MED4: variants seen among roughly 807,000 people sequenced by gnomAD.
The protein encoded by MED4 is mediator of RNA polymerase II transcription subunit 4.
In MED4, 21 loss-of-function variants were observed where a neutral mutation model predicts 35.0. The ratio of observed to expected loss-of-function variants is 0.60; its 90% CI spans 0.43 to 0.86. The LOEUF (loss-of-function observed/expected upper bound fraction) is 0.86. Among genes scored for constraint, MED4 ranks in the 40% least tolerant of loss-of-function variants. The pLI is 0.00. For missense variants in MED4, 300 were observed against 319.4 expected, an observed-to-expected ratio of 0.94 and a Z score of 0.46; for synonymous variants, 138 against 114.0, an observed-to-expected ratio of 1.21 and a Z score of -1.34.
rs1264091210 is a variant in MED4, at chr13:48,076,597, T to G, written c.*542A>C. The G allele has an allele frequency of 6.6e-6, 1 of 152,152 alleles. No homozygotes were observed. The highest frequency in any genetic ancestry group is 2.4e-5 in the African/African-American group (1 of 41,436). The allele number at this position is 152,152 out of a possible 1,614,324, so 9.4% of individuals were successfully genotyped here. On this transcript the variant is annotated 3_prime_UTR_variant, in exon 7 of 7. Transcript: ENST00000258648. ...AAAGCATACAATGTACAAACAAATT[T>G]ATTTACAAAAATTACAATTACAAAC...
chr13:48,081,223 T>C (rs1339661419), intron 5 of MED4, among the ~76,000 whole-genome samples: 3 of 152,236 alleles, frequency 2.0e-5, no homozygotes, highest in Non-Finnish European at 4.4e-5. Context: ...GTATGTTCAC[T>C]GTTGGGTGCG....
In MED4 at chr13:48,076,842, T is replaced by C. The variant is rs116979755; in HGVS notation, c.*297A>G. Reference sequence around the variant, plus strand: ...CTCAACTCTATTTCTAGAATGGCTATGTACAAATCCAGCAAAACTGGAACA... The same window carrying C: ...CTCAACTCTATTTCTAGAATGGCTACGTACAAATCCAGCAAAACTGGAACA... On this transcript the variant is annotated 3_prime_UTR_variant, in exon 7 of 7. Transcript: ENST00000258648. 1,434 of 237,822 alleles carry C rather than the reference T, an allele frequency of 6.0e-3. 11 individuals are homozygous for C. Among genetic ancestry groups the C allele is most frequent in the Non-Finnish European group, 7.5e-3 (924 of 123,474 alleles). The allele number at this position is 237,822 out of a possible 1,614,324, so 14.7% of individuals were successfully genotyped here.
At chr13:48,082,186 TAA>T (rs201634766) in intron 4 of MED4, among the ~76,000 whole-genome samples, 1 of 127,188 alleles carries the variant, frequency 7.9e-6, no homozygotes, top group Admixed American at 8.6e-5. Flanking sequence ...ATTCATTAGG[TAA>T]AAAAAAAAAC....
At chr13:48,079,542 C>T (rs1950788298) in intron 6 of MED4, among the ~76,000 whole-genome samples, 1 of 151,918 alleles carries the variant, frequency 6.6e-6, no homozygotes, top group Non-Finnish European at 1.5e-5. Flanking sequence ...GAGTTCGAGA[C>T]CAGCCTGGCC....
intron 3 of MED4, 41 bp downstream of exon 3, chr13:48,086,241 A>T: frequency 6.4e-7 from 1 of 1,574,110 alleles, no homozygotes; most frequent in Non-Finnish European, 8.7e-7. Flanking sequence ...AGATTAAACA[A>T]CATCCTTTTT....
At chr13:48,083,585 ATTAT>A (rs1950826606) in intron 3 of MED4, among the ~76,000 whole-genome samples, 157 bp from the exon 4 acceptor site, 4 of 152,352 alleles carry the variant, frequency 2.6e-5, no homozygotes, top group Admixed American at 2.6e-4. Flanking sequence ...ACCACTTGAC[ATTAT>A]TTATTTCAGT....
At chr13:48,077,591 T>G (rs1329083425) in intron 6 of MED4, 1 of 197,182 alleles carries the variant, frequency 5.1e-6, no homozygotes, top group African/African-American at 2.3e-5. Context: ...TTAAAGTTTT[T>G]GTAGAGATGA....
intron 5 of MED4, 106 bp downstream of exon 5, chr13:48,081,539 G>A: frequency 1.6e-6 from 1 of 612,448 alleles, no homozygotes; most frequent in Non-Finnish European, 2.6e-6. Context: ...ATGTGGCAGA[G>A]GTTTCTAAGG....
At chr13:48,080,078 A>T in intron 5 of MED4, 103 bp from the exon 6 acceptor site, 1 of 1,330,542 alleles carries the variant, frequency 7.5e-7, no homozygotes, top group Admixed American at 2.3e-5. Context: ...TGAAAAGTTC[A>T]GGCTACATTT....
intron 1 of MED4, among the ~76,000 whole-genome samples, chr13:48,090,893 T>G (rs1950885709): frequency 6.6e-6 from 1 of 152,232 alleles, no homozygotes; most frequent in South Asian, 2.1e-4. Context: ...TTCTGCAGTT[T>G]TTGTAAATAA....
rs991428014 is a variant in MED4, at chr13:48,076,079, A to C, written c.*1060T>G. On this transcript the variant is annotated 3_prime_UTR_variant, in exon 7 of 7. Transcript: ENST00000258648. ...AAAAAGTGTATGTGAACTTTAAAAA[A>C]ATCTACACTACAATATGAATTGATA... 1 of 150,454 alleles carries C rather than the reference A, an allele frequency of 6.6e-6. No individual in the cohort carries two copies. The highest frequency in any genetic ancestry group is 1.5e-5 in the Non-Finnish European group (1 of 67,384). The allele number at this position is 150,454 out of a possible 1,614,324, so 9.3% of individuals were successfully genotyped here. A position where few individuals can be genotyped will look rare whatever the true frequency, so the allele number is the denominator to read the frequency against.
At chr13:48,082,082 C>A (rs1483900510) in intron 4 of MED4, among the ~76,000 whole-genome samples, 2 of 152,052 alleles carry the variant, frequency 1.3e-5, no homozygotes, top group East Asian at 1.9e-4. Flanking sequence ...GACATCCAAG[C>A]TATGAAATCA....
intron 1 of MED4, among the ~76,000 whole-genome samples, chr13:48,091,473 T>C (rs529871063): frequency 5.3e-5 from 8 of 152,330 alleles, no homozygotes; most frequent in Admixed American, 5.2e-4. Flanking sequence ...ATTTTTACCT[T>C]CAAATTTCCA....
intron 2 of MED4, among the ~76,000 whole-genome samples, chr13:48,089,658 G>A (rs1299587697): frequency 6.6e-6 from 1 of 152,180 alleles, no homozygotes; most frequent in Non-Finnish European, 1.5e-5. Flanking sequence ...AGGATAAGTG[G>A]GAGATCGCTT....
rs776200223 is a variant in MED4 at position 48,083,393 on chromosome 13, C to G, written c.399G>C (p.Lys133Asn). Residue 133 changes from lysine (K) to asparagine (N), a missense_variant, in exon 4 of 7, where the codon AAG (lysine) becomes AAC (asparagine). Coordinates refer to ENST00000258648, the MANE Select transcript of MED4 (RefSeq NM_014166.4). ...AACCTTTTCTTGCTTTTTCTATTGA[C>G]TTGAGTTTCTCCTTCGCTTGGTAAA... The part of the protein sequence containing the change: ...TAVYQAKEKL[K>N]SIEKARKGAI... The G allele has an allele frequency of 1.2e-6, 2 of 1,612,986 alleles. No individual in the cohort carries two copies. Among genetic ancestry groups the G allele is most frequent in the South Asian group, 2.2e-5 (2 of 90,896 alleles).
chr13:48,093,555 T>G (rs778578038), intron 1 of MED4: 1 of 467,934 alleles, frequency 2.1e-6, no homozygotes, highest in South Asian at 1.6e-5. Context: ...TACCTCTGAG[T>G]GAACACATGA....
intron 5 of MED4, 79 bp from the exon 6 acceptor site, chr13:48,080,054 T>G: frequency 6.7e-7 from 1 of 1,492,272 alleles, no homozygotes; most frequent in Non-Finnish European, 9.1e-7. Context: ...ATACTCATTT[T>G]CGCTGGTTCA....
rs1950763707 is a variant in MED4 at position 48,076,947 on chromosome 13, TTAAAAC to T, written c.*186_*191del. ...TTCCCCTAAATATCTACCTAGTGGC[TTAAAAC>T]TAAAACTATGGTCTTTGGCTTTAAA... On this transcript the variant is annotated 3_prime_UTR_variant, in exon 7 of 7. Coordinates refer to ENST00000258648, the MANE Select transcript of MED4 (RefSeq NM_014166.4). 4.1e-6 allele frequency: 2 copies of T among 486,302 alleles called. No homozygotes were observed. Among genetic ancestry groups the T allele is most frequent in the African/African-American group, 4.1e-5 (2 of 49,056 alleles). The allele number at this position is 486,302 out of a possible 1,614,324, so 30.1% of individuals were successfully genotyped here. A position where few individuals can be genotyped will look rare whatever the true frequency, so the allele number is the denominator to read the frequency against.
At chr13:48,085,105 G>A (rs1025277476) in intron 3 of MED4, among the ~76,000 whole-genome samples, 5 of 151,658 alleles carry the variant, frequency 3.3e-5, no homozygotes, top group Admixed American at 6.6e-5. Context: ...CCGACCTCAG[G>A]TGATCTGCCC....
Sources: allele counts gnomAD v4.1 joint callset (sites outside exome capture counted in the v4.1 genomes callset), GRCh38; gene constraint gnomAD v4.1.1; transcripts MANE v1.5; gene names NCBI Gene and HGNC (gene_info 2026-07-23, HGNC 2026-07-21).